The following VPS35 variants were observed in gnomAD, a reference collection of about 807,000 sequenced individuals.
VPS35 encodes vacuolar protein sorting-associated protein 35.
Under a neutral mutation model 98.1 loss-of-function variants are expected in VPS35, and 21 were observed. That is an observed-to-expected ratio of 0.21 (90% CI 0.15 to 0.31). The LOEUF (loss-of-function observed/expected upper bound fraction) is 0.31. Ranked by LOEUF, VPS35 falls within the 10% of genes least tolerant of loss-of-function variation. The probability of loss-of-function intolerance (pLI) is 1.00; values close to 1 mark genes in which losing one functional copy is unlikely to be tolerated. For missense variants in VPS35, 554 were observed against 950.8 expected (o/e 0.58, Z 5.49); for synonymous variants, 268 against 318.2 (o/e 0.84, Z 1.68).
intron 5 of VPS35, 118 bp downstream of exon 5, chr16:46,680,553 A>C: frequency 9.1e-7 from 1 of 1,102,488 alleles, no homozygotes; most frequent in Non-Finnish European, 1.3e-6. Context: ...AATGCTACCT[A>C]AATGGCTGAC....
rs533442512 is a variant in VPS35, at chr16:46,683,793, C to T, written c.4-187G>A. 2.6e-4 allele frequency among the ~76,000 whole-genome samples: 40 copies of T among 152,266 alleles called. No homozygotes were observed. The East Asian group carries it at 7.2e-3, about 27-fold the overall frequency. ...AGGCTGGAGTGCAGTGGTGCCATCT[C>T]GGCTCATGGCAAGCTCCGCCTCCCG... On this transcript the variant is annotated intron_variant, in intron 1 of 16. Transcript: ENST00000299138.
At chr16:46,664,981 G>A (rs1489996494) in intron 13 of VPS35, among the ~76,000 whole-genome samples, 1 of 152,040 alleles carries the variant, frequency 6.6e-6, no homozygotes, top group Non-Finnish European at 1.5e-5. Context: ...TATACACTAA[G>A]CTTTATTGAG....
At chr16:46,662,561 A>C (rs1965929182) in intron 14 of VPS35, 79 bp from the exon 15 acceptor site, 1 of 1,596,876 alleles carries the variant, frequency 6.3e-7, no homozygotes, top group Non-Finnish European at 8.5e-7. Flanking sequence ...CTTGTCACCA[A>C]ACCTCCATCC....
chr16:46,660,525 G>A lies in VPS35; in HGVS notation c.2338C>T (p.Arg780Trp), dbSNP rs768025111. 10 of 1,613,902 alleles carry A rather than the reference G, an allele frequency of 6.2e-6. No homozygotes were observed. The highest frequency in any genetic ancestry group is 3.3e-5 in the South Asian group (3 of 91,074). Reference protein sequence around the residue: ...FHNTLEHLRLRRESPESEGPI... With the variant: ...FHNTLEHLRLWRESPESEGPI... ...CCCTCGGATTCTGGTGATTCCCGCC[G>A]CAAGCGCAAATGCTCCAGTGTGTTA... is the stretch of plus-strand genomic sequence containing the variant. The change falls in exon 17 of 17, where the codon CGG becomes TGG. Residue 780 changes from arginine to tryptophan, a missense_variant. Arg to Trp is a moderately radical substitution (Grantham distance 101). Around this residue, in one of 5 missense-constraint regions of VPS35, gnomAD observed 153 missense variants for 211.0 expected, o/e 0.73. Coordinates refer to ENST00000299138, the MANE Select transcript of VPS35 (RefSeq NM_018206.6).
chr16:46,674,037 C>G, intron 10 of VPS35: 1 of 428,204 alleles, frequency 2.3e-6, no homozygotes, highest in East Asian at 4.6e-5. Flanking sequence ...CCCAGGGAAG[C>G]CAAAAGATTG....
intron 1 of VPS35, chr16:46,688,716 A>G (rs1966364847): frequency 8.6e-7 from 1 of 1,160,940 alleles, no homozygotes; most frequent in Non-Finnish European, 1.1e-6. Context: ...GAAACGCAAC[A>G]TCTGGGCGGG....
rs1487393935 is a variant in VPS35, at chr16:46,657,145, G to T, written c.*3327C>A. On this transcript the variant is annotated 3_prime_UTR_variant, in exon 17 of 17. Transcript: ENST00000299138. ...AACATTTGTCTTTAATCAAACCTAAGGCAAGTCACTACTCTTGGGAATTCA... is the reference window on the plus strand; with the variant it reads ...AACATTTGTCTTTAATCAAACCTAATGCAAGTCACTACTCTTGGGAATTCA... 1 of 152,198 alleles carries T rather than the reference G, an allele frequency of 6.6e-6. No individual in the cohort carries two copies. The highest frequency in any genetic ancestry group is 1.5e-5 in the Non-Finnish European group (1 of 68,064). The allele number at this position is 152,198 out of a possible 1,614,324, so 9.4% of individuals were successfully genotyped here. A position where few individuals can be genotyped will look rare whatever the true frequency, so the allele number is the denominator to read the frequency against.
chr16:46,665,531 G>T (rs1462453408), intron 13 of VPS35, among the ~76,000 whole-genome samples: 3 of 150,402 alleles, frequency 2.0e-5, no homozygotes, highest in Non-Finnish European at 4.4e-5. Context: ...AGAGTTCGAA[G>T]CTGCAGTGAG....
intron 10 of VPS35, chr16:46,673,906 A>G (rs1319455353): frequency 5.1e-6 from 1 of 197,376 alleles, no homozygotes; most frequent in Non-Finnish European, 1.0e-5. Context: ...GCCCAACACA[A>G]ATTCGTAAAC....
Position 46,661,744 on chromosome 16 carries a change from A to G in VPS35, c.2185T>C (p.Tyr729His). Residue 729 changes from tyrosine to histidine, a missense_variant, in exon 16 of 17, where the codon TAT (tyrosine) becomes CAT (histidine). Tyr to His is a moderately conservative substitution (Grantham distance 83). Coordinates refer to ENST00000299138, the MANE Select transcript of VPS35 (RefSeq NM_018206.6). This position sits in a 1 kb window ranked among gnomAD's most constrained non-coding sequence, Gnocchi z 4.3. ...LFIEILNRYI[Y>H]FYEKENDAVT... Reference sequence around the variant, plus strand: ...GCATCATTTTCCTTTTCATAAAAATAGATATATCTGTTCAGAATTTCTATA... The same window carrying G: ...GCATCATTTTCCTTTTCATAAAAATGGATATATCTGTTCAGAATTTCTATA... The G allele has an allele frequency of 1.2e-6, 2 of 1,611,570 alleles. No homozygotes were observed. The highest frequency in any genetic ancestry group is 1.7e-6 in the Non-Finnish European group (2 of 1,177,684).
intron 15 of VPS35, 77 bp downstream of exon 15, chr16:46,662,166 C>T (rs1965922964): frequency 6.2e-7 from 1 of 1,610,616 alleles, no homozygotes; most frequent in South Asian, 1.1e-5. Context: ...AATGTTTCAC[C>T]TCCAGAACAC....
Position 46,659,391 on chromosome 16 carries a change from T to C in VPS35, c.*1081A>G, listed in dbSNP as rs79050797. The C allele has an allele frequency of 6.6e-6, 1 of 152,218 alleles. No homozygotes were observed. The highest frequency in any genetic ancestry group is 1.5e-5 in the Non-Finnish European group (1 of 68,044). 9.4% of individuals were successfully genotyped at this position (152,218 alleles called of 1,614,324 possible). ...ATAAATGTTTGCTGTTTTAAGACAGTAAGTTTTGGGATGGTTTATTATATA... is the reference window on the plus strand; with the variant it reads ...ATAAATGTTTGCTGTTTTAAGACAGCAAGTTTTGGGATGGTTTATTATATA... On this transcript the variant is annotated 3_prime_UTR_variant, in exon 17 of 17. Transcript: ENST00000299138.
At chr16:46,688,696 C>T (rs1966364497) in intron 1 of VPS35, 1 of 1,115,692 alleles carries the variant, frequency 9.0e-7, no homozygotes, top group Non-Finnish European at 1.1e-6. Context: ...CACAACTAGG[C>T]ACAAAGGTAG....
chr16:46,685,945 A>G (rs917672531), intron 1 of VPS35, among the ~76,000 whole-genome samples: 1 of 152,166 alleles, frequency 6.6e-6, no homozygotes, highest in Admixed American at 6.5e-5. Context: ...ATTTAAATGT[A>G]CAGTTCAGTG....
intron 5 of VPS35, among the ~76,000 whole-genome samples, chr16:46,679,415 T>G (rs921955910): frequency 6.6e-6 from 1 of 152,170 alleles, no homozygotes; most frequent in Non-Finnish European, 1.5e-5. Context: ...CTTGCTCTTA[T>G]GGCAACTTCC....
chr16:46,670,666 C>T (rs1966055653), intron 12 of VPS35, among the ~76,000 whole-genome samples: 1 of 152,180 alleles, frequency 6.6e-6, no homozygotes, highest in Non-Finnish European at 1.5e-5. Flanking sequence ...CACACAGAAA[C>T]ATAAGGCAAT....
At chr16:46,669,470 C>T (rs890456899) in intron 12 of VPS35, among the ~76,000 whole-genome samples, 2 of 152,010 alleles carry the variant, frequency 1.3e-5, no homozygotes, top group Non-Finnish European at 2.9e-5. Context: ...AGTTCGAGAC[C>T]AGCCTGGCCA....
At position 46,683,550 on chromosome 16, in the gene VPS35, T is replaced by C. The variant is rs781646463; in HGVS notation, c.60A>G (p.Ile20Met). ...DEQEKLLDEA[I>M]QAVKVQSFQM... ...GGAATGACTGGACCTTCACAGCCTG[T>C]ATGGCTTCATCCAAGAGCTTTTCCT... Residue 20 changes from isoleucine (I) to methionine (M), a missense_variant, in exon 2 of 17, where the codon ATA (isoleucine) becomes ATG (methionine). Around this residue, in one of 5 missense-constraint regions of VPS35, gnomAD observed 67 missense variants for 103.3 expected, o/e 0.65. Transcript: ENST00000299138. The C allele has an allele frequency of 6.2e-7, 1 of 1,614,094 alleles. No homozygotes were observed. Among genetic ancestry groups the C allele is most frequent in the Non-Finnish European group, 8.5e-7 (1 of 1,180,026 alleles).
rs546485076 is a variant in VPS35 at position 46,663,862 on chromosome 16, A to ATTTTTT, written c.1648-706_1648-701dup. On this transcript the variant is annotated intron_variant, in intron 13 of 16. Transcript: ENST00000299138. ...AGGCTTGCATCACCACACCTGGCTA[A>ATTTTTT]TTTTTTTTTTTTTTTTTTTTTTTTT... is the stretch of plus-strand genomic sequence containing the variant. 3.3e-3 allele frequency among the ~76,000 whole-genome samples: 96 copies of ATTTTTT among 28,678 alleles called. 34 individuals carry two copies. In the Middle Eastern group the frequency reaches 0.14, roughly 43 times the overall value. The allele number at this position is 28,678 out of a possible 152,430, so 18.8% of individuals were successfully genotyped here. A position where few individuals can be genotyped will look rare whatever the true frequency, so the allele number is the denominator to read the frequency against.
Sources: allele counts gnomAD v4.1 joint callset (sites outside exome capture counted in the v4.1 genomes callset), GRCh38; gene constraint gnomAD v4.1.1; regional missense constraint gnomAD v4.1.1; non-coding constraint Gnocchi (gnomAD v3.1); transcripts MANE v1.5; gene names NCBI Gene and HGNC (gene_info 2026-07-23, HGNC 2026-07-21).